Variants in PDE4D observed in about 807,000 individuals in gnomAD.
The protein encoded by PDE4D is 3',5'-cyclic-AMP phosphodiesterase 4D.
Under a neutral mutation model 87.4 loss-of-function variants are expected in PDE4D, and 24 were observed. The observed-to-expected ratio is 0.27, with a 90% CI of 0.20 to 0.39. The LOEUF (loss-of-function observed/expected upper bound fraction) is 0.39. PDE4D is among the 10% of genes least tolerant of loss of function. The pLI is 1.00. For synonymous variants in PDE4D, 384 were observed against 383.2 expected (o/e 1.00, Z -0.02); for missense variants, 714 against 1,041.0 (o/e 0.69, Z 4.32).
At chr5:59,541,931 C>T (rs146253912) in intron 1 of PDE4D, among the ~76,000 whole-genome samples, 1 of 152,246 alleles carries the variant, frequency 6.6e-6, no homozygotes, top group East Asian at 1.9e-4. Context: ...TCTCAGGCTG[C>T]CCATTCCCTG....
intron 1 of PDE4D, among the ~76,000 whole-genome samples, chr5:60,388,790 C>A (rs1762372262): frequency 6.6e-6 from 1 of 152,130 alleles, no homozygotes; most frequent in African/African-American, 2.4e-5. Context: ...AACATTATAA[C>A]AAGGATTATG....
chr5:59,122,141 C>CAAAAAAAAAAAAAA (rs56284898), intron 5 of PDE4D, among the ~76,000 whole-genome samples: 3 of 71,592 alleles, frequency 4.2e-5, no homozygotes, highest in African/African-American at 5.8e-5. Context: ...GACTCTATCT[C>CAAAAAAAAAAAAAA]AAAAAAAAAA....
At chr5:59,346,497 C>T (rs933658642) in intron 1 of PDE4D, among the ~76,000 whole-genome samples, 1 of 151,922 alleles carries the variant, frequency 6.6e-6, no homozygotes, top group Non-Finnish European at 1.5e-5. Flanking sequence ...CTCCAAAATA[C>T]AGGATAATTT....
intron 1 of PDE4D, among the ~76,000 whole-genome samples, chr5:60,280,960 T>C (rs1177284535): frequency 6.6e-6 from 1 of 152,246 alleles, no homozygotes; most frequent in Non-Finnish European, 1.5e-5. Flanking sequence ...TCACCATTAC[T>C]GAACTTAACA....
At chr5:59,233,876 G>A (rs1016690197) in intron 1 of PDE4D, among the ~76,000 whole-genome samples, 1 of 152,098 alleles carries the variant, frequency 6.6e-6, no homozygotes, top group Non-Finnish European at 1.5e-5. Context: ...GAAGCTCATT[G>A]AGAAGACGTA....
intron 5 of PDE4D, among the ~76,000 whole-genome samples, chr5:59,154,910 G>A (rs755517100): frequency 7.2e-5 from 11 of 152,122 alleles, no homozygotes; most frequent in African/African-American, 1.2e-4. Context: ...TAGACAGACA[G>A]ATAGATTTGG....
intron 1 of PDE4D, among the ~76,000 whole-genome samples, chr5:60,414,358 A>G (rs1742305044): frequency 6.6e-6 from 1 of 152,242 alleles, no homozygotes; most frequent in African/African-American, 2.4e-5. Flanking sequence ...ATAAAACTCT[A>G]TTAAGATTTT....
At chr5:59,312,679 T>C (rs1001135940) in intron 1 of PDE4D, among the ~76,000 whole-genome samples, 4 of 152,022 alleles carry the variant, frequency 2.6e-5, no homozygotes, top group African/African-American at 9.7e-5. Context: ...ATTAGGAAAA[T>C]TTACAAAAGT....
At chr5:60,179,231 C>G (rs1784180354) in intron 2 of PDE4D, among the ~76,000 whole-genome samples, 1 of 152,096 alleles carries the variant, frequency 6.6e-6, no homozygotes, top group Admixed American at 6.6e-5. Flanking sequence ...GTCAGGGTCT[C>G]TCTAACTATA....
intron 1 of PDE4D, among the ~76,000 whole-genome samples, chr5:60,421,265 G>A (rs530761134): frequency 6.6e-6 from 1 of 152,300 alleles, no homozygotes; most frequent in East Asian, 1.9e-4. Flanking sequence ...TAGCTTAACT[G>A]GGAGACACCT....
chr5:60,289,053 C>T (rs1363735702), intron 1 of PDE4D, among the ~76,000 whole-genome samples: 1 of 152,162 alleles, frequency 6.6e-6, no homozygotes, highest in East Asian at 1.9e-4. Flanking sequence ...CTAAAATCTT[C>T]CCCGTCTCAC....
chr5:60,435,769 C>A (rs1216247002), intron 1 of PDE4D, among the ~76,000 whole-genome samples: 1 of 151,774 alleles, frequency 6.6e-6, no homozygotes, highest in Admixed American at 6.6e-5. Flanking sequence ...AATTAAAGTC[C>A]AATATTTTAT....
At chr5:60,139,150 G>T (rs578154586) in intron 2 of PDE4D, among the ~76,000 whole-genome samples, 2 of 152,108 alleles carry the variant, frequency 1.3e-5, no homozygotes, top group African/African-American at 4.8e-5. Flanking sequence ...TGCTACAGTT[G>T]CTTCCTAATG....
chr5:59,022,818 T>C (rs1336499208), intron 6 of PDE4D, among the ~76,000 whole-genome samples: 1 of 152,238 alleles, frequency 6.6e-6, no homozygotes, highest in Non-Finnish European at 1.5e-5. Context: ...AAATTGCTCT[T>C]GCTATTTTGG....
chr5:59,489,064 A>G (rs1369165410), intron 1 of PDE4D, among the ~76,000 whole-genome samples: 1 of 152,090 alleles, frequency 6.6e-6, no homozygotes, highest in East Asian at 1.9e-4. Flanking sequence ...AGGAGGGCGG[A>G]TCACGCGGTC....
chr5:59,848,660 C>G (rs1744231967), intron 1 of PDE4D, among the ~76,000 whole-genome samples: 1 of 151,828 alleles, frequency 6.6e-6, no homozygotes, highest in African/African-American at 2.4e-5. Flanking sequence ...GTGAGTAAAG[C>G]ACATCAAAAC....
At chr5:60,474,855 C>G (rs1055999946) in intron 1 of PDE4D, among the ~76,000 whole-genome samples, 4 of 152,124 alleles carry the variant, frequency 2.6e-5, no homozygotes, top group Non-Finnish European at 4.4e-5. Flanking sequence ...TTTGTCACAC[C>G]CTGCCTCAGA....
intron 1 of PDE4D, among the ~76,000 whole-genome samples, chr5:59,891,186 G>A (rs1021450863): frequency 1.3e-5 from 2 of 152,160 alleles, no homozygotes; most frequent in Admixed American, 1.3e-4. Context: ...ATTAATCAAT[G>A]TAGAAAGCAT....
rs578023264 is a variant in PDE4D, at chr5:59,197,455, G to A, written c.648-3919C>T. Among the ~76,000 whole-genome samples, 43 of 152,222 alleles carry A rather than the reference G, an allele frequency of 2.8e-4. No individual in the cohort carries two copies. The South Asian group carries it at 6.4e-3, about 23-fold the overall frequency. ...TAGCATTTCAGTGGCAGATGTCCTC[G>A]ATAAACGGCAGGTTATAGCCTATCC... On this transcript the variant is annotated intron_variant, in intron 2 of 14. Transcript: ENST00000340635.
Sources: gnomAD v4.1 joint callset for allele counts (sites outside exome capture counted in the v4.1 genomes callset) on GRCh38, gnomAD v4.1.1 for gene constraint, MANE v1.5 for transcripts, NCBI Gene and HGNC (gene_info 2026-07-23, HGNC 2026-07-21) for gene names.